Variants in NEDD4 observed in about 807,000 individuals in gnomAD.
NEDD4 encodes the protein NEDD4 E3 ubiquitin protein ligase, also known as E3 ubiquitin-protein ligase NEDD4.
A neutral mutation model predicts 144.9 loss-of-function variants in NEDD4; 99 were observed. The ratio of observed to expected loss-of-function variants is 0.68; its 90% CI spans 0.58 to 0.81. The LOEUF is 0.81. Ranked by LOEUF, NEDD4 falls within the 30% of genes least tolerant of loss-of-function variation. The pLI is 0.00. For synonymous variants in NEDD4, 318 were observed against 350.6 expected, an observed-to-expected ratio of 0.91 and a Z score of 1.04; for missense variants, 985 against 1,065.9, an observed-to-expected ratio of 0.92 and a Z score of 1.06.
Position 55,850,619 on chromosome 15 carries a change from G to C in NEDD4, c.1270C>G (p.Pro424Ala). 1 of 1,614,154 alleles carries C rather than the reference G, an allele frequency of 6.2e-7. No individual in the cohort carries two copies. Among genetic ancestry groups the C allele is most frequent in the East Asian group, 2.2e-5 (1 of 44,876 alleles). The change falls in exon 14 of 29, where the codon CCT becomes GCT. Residue 424 changes from proline (P) to alanine (A), a missense_variant. By Grantham distance (27) the Pro-to-Ala change is conservative. Coordinates refer to ENST00000435532, the MANE Select transcript of NEDD4 (RefSeq NM_006154.4). ...GCATGCCGGACTTCCCAGCCTTTAG[G>C]AAGGAATCCTTGCTCAATTTCAGAT... The part of the protein sequence containing the change: ...QPSEIEQGFL[P>A]KGWEVRHAPN...
chr15:55,895,006 A>AAAGGGAGG (rs1244258292), intron 5 of NEDD4, among the ~76,000 whole-genome samples: 1 of 152,130 alleles, frequency 6.6e-6, no homozygotes, highest in Admixed American at 6.6e-5. Flanking sequence ...CACCTCTAAA[A>AAAGGGAGG]AAGGGAGGGG....
rs371476688 is a variant in NEDD4 at position 55,874,104 on chromosome 15, G to T, written c.292-96C>A. 2.7e-4 allele frequency: 154 copies of T among 571,738 alleles called. 2 individuals carry two copies. The South Asian group carries it at 3.7e-3, about 14-fold the overall frequency. The allele number at this position is 571,738 out of a possible 1,614,324, so 35.4% of individuals were successfully genotyped here. The stretch of plus-strand genomic sequence containing the variant: ...TGCCACCATTCACAGAAAATGTAGA[G>T]TTTTTTTTTTATTCAGTCATATGCA... On this transcript the variant is annotated intron_variant, in intron 5 of 28. Coordinates refer to ENST00000435532, the MANE Select transcript of NEDD4 (RefSeq NM_006154.4).
chr15:55,865,545 A>T (rs867529456), intron 8 of NEDD4, among the ~76,000 whole-genome samples: 1 of 150,758 alleles, frequency 6.6e-6, no homozygotes, highest in East Asian at 1.9e-4. Flanking sequence ...AAACTACTAA[A>T]TAACATTAAA....
At chr15:55,915,326 G>C (rs967589677) in intron 5 of NEDD4, 2 of 1,608,236 alleles carry the variant, frequency 1.2e-6, no homozygotes, top group Non-Finnish European at 1.7e-6. Context: ...CTCTGTTGCT[G>C]TCTCTTGATA....
chr15:55,978,911 T>C (rs2037748254), intron 1 of NEDD4, among the ~76,000 whole-genome samples: 1 of 126,192 alleles, frequency 7.9e-6, no homozygotes, highest in Non-Finnish European at 1.7e-5. Context: ...CTCTTCAATT[T>C]CTTGACAACG....
intron 13 of NEDD4, among the ~76,000 whole-genome samples, chr15:55,851,072 G>A (rs1333520043): frequency 2.0e-5 from 3 of 152,144 alleles, no homozygotes; most frequent in Non-Finnish European, 2.9e-5. Context: ...AGCGAGGTCT[G>A]CAAGCTCAAG....
intron 24 of NEDD4, among the ~76,000 whole-genome samples, chr15:55,835,814 C>T (rs1687166416): frequency 6.6e-6 from 1 of 152,188 alleles, no homozygotes; most frequent in South Asian, 2.1e-4. Context: ...GTCTGGCTCT[C>T]CTCTAACTTG....
chr15:55,920,630 G>A (rs1198292863), intron 5 of NEDD4, among the ~76,000 whole-genome samples: 1 of 152,156 alleles, frequency 6.6e-6, no homozygotes, highest in East Asian at 1.9e-4. Context: ...GACTAAAGTT[G>A]TTTCTGCTTA....
intron 4 of NEDD4, among the ~76,000 whole-genome samples, chr15:55,950,172 A>G (rs2037212378): frequency 1.3e-5 from 2 of 152,152 alleles, no homozygotes; most frequent in South Asian, 2.1e-4. Flanking sequence ...ATTTTTCTTC[A>G]TTTGACGATC....
At chr15:55,914,489 A>T (rs186583343) in intron 5 of NEDD4, among the ~76,000 whole-genome samples, 1 of 152,102 alleles carries the variant, frequency 6.6e-6, no homozygotes, top group East Asian at 1.9e-4. Flanking sequence ...TTGTCAAAAA[A>T]ATGAAAAGGT....
chr15:55,947,008 G>A (rs367855430), intron 4 of NEDD4, among the ~76,000 whole-genome samples: 3 of 152,188 alleles, frequency 2.0e-5, no homozygotes, highest in Admixed American at 2.0e-4. Flanking sequence ...ATTTAAAGCA[G>A]TGTGTAGAGG....
chr15:55,851,843 C>G (rs1252229529), intron 13 of NEDD4, among the ~76,000 whole-genome samples: 1 of 152,098 alleles, frequency 6.6e-6, no homozygotes, highest in Admixed American at 6.6e-5. Context: ...ATGATCCTAA[C>G]TATTCAAATT....
At chr15:55,917,026 C>T in intron 5 of NEDD4, 2 of 1,313,094 alleles carry the variant, frequency 1.5e-6, no homozygotes, top group Non-Finnish European at 1.9e-6. Context: ...ACGACCCATT[C>T]CAGAGACTGA....
intron 5 of NEDD4, among the ~76,000 whole-genome samples, chr15:55,922,907 T>C (rs2036595315): frequency 6.6e-6 from 1 of 152,206 alleles, no homozygotes; most frequent in Admixed American, 6.5e-5. Flanking sequence ...TTTTTGTATG[T>C]ATATTTCATG....
At chr15:55,849,629 A>G (rs1212072128) in intron 14 of NEDD4, among the ~76,000 whole-genome samples, 1 of 152,040 alleles carries the variant, frequency 6.6e-6, no homozygotes, top group East Asian at 1.9e-4. Flanking sequence ...TCAAAGGCCA[A>G]TTCAGAATGT....
At chr15:55,840,330 T>G in intron 21 of NEDD4, 117 bp downstream of exon 21, 1 of 920,844 alleles carries the variant, frequency 1.1e-6, no homozygotes. Context: ...AAAGTTCATT[T>G]GTATTTTGAA....
At chr15:55,967,664 G>GTT in intron 1 of NEDD4, among the ~76,000 whole-genome samples, 1 of 151,894 alleles carries the variant, frequency 6.6e-6, no homozygotes, top group East Asian at 1.9e-4. Context: ...AAATTCACAA[G>GTT]TTACAAAACT....
intron 1 of NEDD4, among the ~76,000 whole-genome samples, chr15:55,983,512 C>T (rs1250664564): frequency 1.3e-5 from 2 of 152,080 alleles, no homozygotes; most frequent in Non-Finnish European, 2.9e-5. Flanking sequence ...GTTCTATTGC[C>T]CCACTCTTCA....
intron 5 of NEDD4, among the ~76,000 whole-genome samples, chr15:55,897,819 C>T (rs1228989189): frequency 6.6e-6 from 1 of 152,158 alleles, no homozygotes; most frequent in African/African-American, 2.4e-5. Flanking sequence ...GTCTTCCTTA[C>T]GAAGGGGTGA....
Sources: allele counts gnomAD v4.1 joint callset (sites outside exome capture counted in the v4.1 genomes callset), GRCh38; gene constraint gnomAD v4.1.1; transcripts MANE v1.5; gene names NCBI Gene and HGNC (gene_info 2026-07-23, HGNC 2026-07-21).